PACRG: variants seen among roughly 807,000 people sequenced by gnomAD.
The protein encoded by PACRG is parkin coregulated gene protein.
Under a neutral mutation model 29.7 loss-of-function variants are expected in PACRG, and 29 were observed. The observed-to-expected ratio is 0.98, with a 90% CI of 0.73 to 1.33. PACRG has a LOEUF of 1.33. PACRG is among the 40% of genes most tolerant of loss of function. The pLI, the probability that PACRG is intolerant of heterozygous loss-of-function variation, is 0.00. For synonymous variants in PACRG, 116 were observed against 118.7 expected (o/e 0.98, Z 0.15); for missense variants, 279 against 316.2 (o/e 0.88, Z 0.89).
chr6:162,982,776 C>A (rs961651238), intron 2 of PACRG, among the ~76,000 whole-genome samples: 4 of 151,954 alleles, frequency 2.6e-5, no homozygotes, highest in Non-Finnish European at 5.9e-5. Flanking sequence ...AATGTATATT[C>A]TGCAGTTGTT....
intron 2 of PACRG, among the ~76,000 whole-genome samples, chr6:162,998,799 C>T (rs1464373174): frequency 6.6e-6 from 1 of 152,130 alleles, no homozygotes; most frequent in South Asian, 2.1e-4. Flanking sequence ...TTATATGATA[C>T]CAAATGTCAT....
intron 4 of PACRG, among the ~76,000 whole-genome samples, chr6:163,240,891 GGCTTGCCCTTTT>G (rs1782479628): frequency 6.6e-6 from 1 of 152,116 alleles, no homozygotes; most frequent in African/African-American, 2.4e-5. Context: ...CGTAGCAAGG[GGCTTGCCCTTTT>G]GCTTCTGCAC....
intron 4 of PACRG, among the ~76,000 whole-genome samples, chr6:163,237,049 T>C (rs1264733457): frequency 2.0e-5 from 3 of 152,298 alleles, no homozygotes; most frequent in African/African-American, 7.2e-5. Context: ...TTTCCCAACA[T>C]TGGGGATTAC....
At chr6:163,242,327 T>C (rs1263954816) in intron 4 of PACRG, among the ~76,000 whole-genome samples, 1 of 152,236 alleles carries the variant, frequency 6.6e-6, no homozygotes, top group African/African-American at 2.4e-5. Flanking sequence ...TATTAATTAA[T>C]GCCACTGTGT....
intron 1 of PACRG, among the ~76,000 whole-genome samples, chr6:162,741,736 A>T (rs1780617131): frequency 6.6e-6 from 1 of 152,232 alleles, no homozygotes; most frequent in Non-Finnish European, 1.5e-5. Context: ...GACTGGAAGA[A>T]GGACCATCTC....
At chr6:162,931,501 G>T (rs1337975571) in intron 2 of PACRG, among the ~76,000 whole-genome samples, 1 of 151,846 alleles carries the variant, frequency 6.6e-6, no homozygotes, top group Non-Finnish European at 1.5e-5. Flanking sequence ...TTTTGTTTAT[G>T]CCATGAGATA....
chr6:163,096,994 CTT>C (rs1367681238), intron 4 of PACRG, among the ~76,000 whole-genome samples: 1 of 152,216 alleles, frequency 6.6e-6, no homozygotes, highest in African/African-American at 2.4e-5. Flanking sequence ...CCCAGACAAA[CTT>C]TCACTGCTCA....
chr6:163,270,281 T>C (rs1334939656), intron 4 of PACRG, among the ~76,000 whole-genome samples: 1 of 152,230 alleles, frequency 6.6e-6, no homozygotes, highest in South Asian at 2.1e-4. Context: ...AAAATATTTT[T>C]AAAATTATTA....
At chr6:162,955,973 G>A (rs1010716547) in intron 2 of PACRG, among the ~76,000 whole-genome samples, 2 of 152,198 alleles carry the variant, frequency 1.3e-5, no homozygotes, top group Admixed American at 1.3e-4. Context: ...ACATGGTGGT[G>A]GTGGGAGAGG....
intron 2 of PACRG, among the ~76,000 whole-genome samples, chr6:162,978,560 G>T (rs1200904258): frequency 6.6e-6 from 1 of 152,036 alleles, no homozygotes; most frequent in Non-Finnish European, 1.5e-5. Context: ...ACTCCCAGTT[G>T]TTGGGGATGG....
chr6:163,181,856 C>T (rs1187131229), intron 4 of PACRG, among the ~76,000 whole-genome samples: 2 of 152,118 alleles, frequency 1.3e-5, no homozygotes, highest in Non-Finnish European at 1.5e-5. Context: ...GCCCGGGAGG[C>T]GCGCTCTGTC....
chr6:162,762,485 T>C (rs969260892), intron 1 of PACRG, among the ~76,000 whole-genome samples: 7 of 152,012 alleles, frequency 4.6e-5, no homozygotes, highest in African/African-American at 1.7e-4. Flanking sequence ...TGTTAAGGAG[T>C]GAGGATCATG....
At chr6:162,918,527 T>A (rs1041756085) in intron 2 of PACRG, among the ~76,000 whole-genome samples, 4 of 152,112 alleles carry the variant, frequency 2.6e-5, no homozygotes, top group African/African-American at 9.7e-5. Flanking sequence ...GCACAATGAT[T>A]CCAAAAACTG....
At chr6:163,008,264 G>A (rs1584995524) in intron 2 of PACRG, among the ~76,000 whole-genome samples, 1 of 152,034 alleles carries the variant, frequency 6.6e-6, no homozygotes, top group East Asian at 1.9e-4. Flanking sequence ...TCGCCACAGG[G>A]ACTTCTGTGA....
intron 2 of PACRG, among the ~76,000 whole-genome samples, chr6:162,894,164 T>C (rs1481844361): frequency 6.6e-6 from 1 of 152,102 alleles, no homozygotes; most frequent in East Asian, 1.9e-4. Context: ...TGCTGATGAA[T>C]ATGATAATAT....
chr6:162,989,603 G>A (rs1803236806), intron 2 of PACRG, among the ~76,000 whole-genome samples: 1 of 151,982 alleles, frequency 6.6e-6, no homozygotes, highest in African/African-American at 2.4e-5. Context: ...CCAAAAAAAT[G>A]TCTGTTCATA....
intron 2 of PACRG, among the ~76,000 whole-genome samples, chr6:162,926,460 G>T (rs1031442263): frequency 1.3e-5 from 2 of 152,052 alleles, no homozygotes; most frequent in Admixed American, 1.3e-4. Flanking sequence ...CAGATGCATA[G>T]ACCACTGAAA....
At position 163,036,611 on chromosome 6, in the gene PACRG, G is replaced by A. The variant is rs1808210945; in HGVS notation, c.292-25539G>A. Among the ~76,000 whole-genome samples the A allele has an allele frequency of 1.3e-5, 2 of 152,176 alleles. 1 individual carries two copies. The highest frequency in any genetic ancestry group is 4.1e-4 in the South Asian group (2 of 4,832). The stretch of plus-strand genomic sequence containing the variant: ...TCATTTTACCCTAAATGGGATGCTG[G>A]TTCTCACTTGTGAATCAAAAGGGGA... On this transcript the variant is annotated intron_variant, in intron 2 of 4. Transcript: ENST00000366888.
intron 4 of PACRG, among the ~76,000 whole-genome samples, chr6:163,195,308 A>C (rs1425161416): frequency 6.6e-6 from 1 of 152,190 alleles, no homozygotes; most frequent in Non-Finnish European, 1.5e-5. Flanking sequence ...ATCTCCATCT[A>C]GTCTTGAAGC....
Sources: gnomAD v4.1 joint callset for allele counts (sites outside exome capture counted in the v4.1 genomes callset) on GRCh38, gnomAD v4.1.1 for gene constraint, MANE v1.5 for transcripts, NCBI Gene and HGNC (gene_info 2026-07-23, HGNC 2026-07-21) for gene names.